OPN5: variants seen among roughly 807,000 people sequenced by gnomAD.
OPN5 encodes the protein opsin 5.
A neutral mutation model predicts 41.7 loss-of-function variants in OPN5; 18 were observed. That is an observed-to-expected ratio of 0.43 (90% CI 0.30 to 0.64). The LOEUF (loss-of-function observed/expected upper bound fraction) is 0.64. Ranked by LOEUF, OPN5 falls within the 30% of genes least tolerant of loss-of-function variation. The probability of loss-of-function intolerance (pLI) is 0.13; values close to 1 mark genes in which losing one functional copy is unlikely to be tolerated. For missense variants in OPN5, 318 were observed against 434.5 expected (o/e 0.73, Z 2.38); for synonymous variants, 178 against 164.3 (o/e 1.08, Z -0.64).
intron 5 of OPN5, among the ~76,000 whole-genome samples, chr6:47,809,411 T>A (rs937349110): frequency 6.6e-6 from 1 of 152,180 alleles, no homozygotes; most frequent in African/African-American, 2.4e-5. Flanking sequence ...TATTTTGGAC[T>A]TTAGGTTCCT....
chr6:47,824,885 C>T (rs1437903023), downstream of OPN5: 2 of 151,226 alleles, frequency 1.3e-5, no homozygotes, highest in African/African-American at 4.9e-5. Context: ...ATAGCTTTTT[C>T]CCTTCTTTCT....
intron 2 of OPN5, chr6:47,787,176 T>C: frequency 1.0e-6 from 1 of 984,092 alleles, no homozygotes; most frequent in Non-Finnish European, 1.2e-6. Flanking sequence ...AGCTTCTGGT[T>C]CAGTGGTCCT....
chr6:47,800,679 C>G (rs1013259402), intron 4 of OPN5, among the ~76,000 whole-genome samples: 3 of 152,112 alleles, frequency 2.0e-5, no homozygotes, highest in African/African-American at 7.2e-5. Context: ...GGGGAAAGGC[C>G]TGTTATCATT....
chr6:47,797,145 A>G, intron 4 of OPN5, among the ~76,000 whole-genome samples: 1 of 152,132 alleles, frequency 6.6e-6, no homozygotes, highest in Admixed American at 6.5e-5. Context: ...TCAAGATGAG[A>G]TCTGGGTGGG....
chr6:47,783,158 C>T (rs9367304), intron 1 of OPN5, among the ~76,000 whole-genome samples: 117,419 of 151,966 alleles, frequency 0.77, 45,595 homozygotes, highest in East Asian at 0.93. Context: ...TACATTTATA[C>T]TGGATAGCAC....
intron 1 of OPN5, among the ~76,000 whole-genome samples, chr6:47,784,718 T>C (rs1235299432): frequency 2.6e-5 from 4 of 152,110 alleles, no homozygotes; most frequent in African/African-American, 9.6e-5. Flanking sequence ...AATCTGAGTT[T>C]GAAATACAGG....
intron 2 of OPN5, among the ~76,000 whole-genome samples, chr6:47,788,780 A>C (rs1212082375): frequency 7.4e-6 from 1 of 134,916 alleles, no homozygotes; most frequent in African/African-American, 2.8e-5. Flanking sequence ...CTCTTAGGAT[A>C]AAGTCGTGTT....
chr6:47,805,718 A>G (rs1445660367), intron 4 of OPN5, among the ~76,000 whole-genome samples: 10 of 152,216 alleles, frequency 6.6e-5, no homozygotes, highest in Non-Finnish European at 1.5e-4. Flanking sequence ...TTAACTGTCT[A>G]AAACAAAAAA....
At chr6:47,801,917 C>A (rs569201362) in intron 4 of OPN5, among the ~76,000 whole-genome samples, 1 of 152,008 alleles carries the variant, frequency 6.6e-6, no homozygotes, top group Non-Finnish European at 1.5e-5. Context: ...TACTTCAGAG[C>A]AATTTAATCA....
chr6:47,814,324 A>G (rs1420388425), intron 6 of OPN5, among the ~76,000 whole-genome samples: 1 of 152,126 alleles, frequency 6.6e-6, no homozygotes, highest in Non-Finnish European at 1.5e-5. Context: ...CCCTGAAGAC[A>G]GATAGTTTAA....
chr6:47,805,119 A>G (rs1158854431), intron 4 of OPN5, among the ~76,000 whole-genome samples: 1 of 152,232 alleles, frequency 6.6e-6, no homozygotes, highest in Admixed American at 6.5e-5. Flanking sequence ...GGGATTTAGA[A>G]AAAGAAGGCC....
chr6:47,786,647 T>C lies in OPN5; in HGVS notation c.250+13T>C, dbSNP rs375213020. 2 of 1,611,484 alleles carry C rather than the reference T, an allele frequency of 1.2e-6. No individual in the cohort carries two copies. Among genetic ancestry groups the C allele is most frequent in the Non-Finnish European group, 1.7e-6 (2 of 1,177,980 alleles). On this transcript the variant is annotated intron_variant, in intron 2 of 6. Coordinates refer to ENST00000371211, the Ensembl canonical transcript of OPN5. ...CTGGGGATTTCAGGTAACACAACCA[T>C]GCTGTGTTTTCTTTGTGGGTTTAAA... is the stretch of plus-strand genomic sequence containing the variant.
At chr6:47,801,375 C>A (rs377766764) in intron 4 of OPN5, among the ~76,000 whole-genome samples, 24 of 152,300 alleles carry the variant, frequency 1.6e-4, no homozygotes, top group African/African-American at 5.8e-4. Context: ...TCACTTTGCT[C>A]TTTTACATTG....
chr6:47,808,477 C>A, intron 5 of OPN5, 82 bp downstream of exon 5: 1 of 1,470,066 alleles, frequency 6.8e-7, no homozygotes, highest in Non-Finnish European at 9.4e-7. Flanking sequence ...GATGTGCTGT[C>A]TTCTTAGGGT....
intron 2 of OPN5, among the ~76,000 whole-genome samples, chr6:47,787,850 TACTACCACTGC>T (rs1773239371): frequency 6.6e-6 from 1 of 152,184 alleles, no homozygotes; most frequent in South Asian, 2.1e-4. Context: ...TGAGCTATGG[TACTACCACTGC>T]ACTCCAGCCT....
At chr6:47,789,394 A>T (rs986124580) in intron 2 of OPN5, among the ~76,000 whole-genome samples, 2 of 150,412 alleles carry the variant, frequency 1.3e-5, no homozygotes, top group Non-Finnish European at 2.9e-5. Flanking sequence ...ATCTTATATT[A>T]CAAATTTAGG....
chr6:47,811,995 A>G (rs1774225141), intron 6 of OPN5: 2 of 264,810 alleles, frequency 7.6e-6, no homozygotes, highest in South Asian at 2.6e-4. Context: ...TTGTCATGCC[A>G]AACAGAATTG....
intron 6 of OPN5, among the ~76,000 whole-genome samples, chr6:47,816,934 T>C (rs1008970450): frequency 6.8e-4 from 104 of 152,218 alleles, no homozygotes; most frequent in African/African-American, 2.4e-3. Context: ...ATCTTGTTCT[T>C]GAGGAGGTAG....
At chr6:47,803,478 C>T (rs7743905) in intron 4 of OPN5, among the ~76,000 whole-genome samples, 20,535 of 152,156 alleles carry the variant, frequency 0.13, 1,479 homozygotes, top group Middle Eastern at 0.16. Context: ...AGAGGCAGAA[C>T]GTGCATTCTT....
Sources: gnomAD v4.1 joint callset for allele counts (sites outside exome capture counted in the v4.1 genomes callset) on GRCh38, gnomAD v4.1.1 for gene constraint, MANE v1.5 for transcripts, NCBI Gene and HGNC (gene_info 2026-07-23, HGNC 2026-07-21) for gene names.